ERICH3: variants seen among roughly 807,000 people sequenced by gnomAD.
The protein encoded by ERICH3 is glutamate rich 3.
A neutral mutation model predicts 131.1 loss-of-function variants in ERICH3; 126 were observed. That is an observed-to-expected ratio of 0.96 (90% confidence interval 0.83 to 1.11). The LOEUF is 1.11. Among genes scored for constraint, ERICH3 ranks in the 50% most tolerant of loss-of-function variants. The pLI is 0.00. For missense variants in ERICH3, 2,050 were observed against 1,810.7 expected, an observed-to-expected ratio of 1.13 and a Z score of -2.40; for synonymous variants, 695 against 644.6, an observed-to-expected ratio of 1.08 and a Z score of -1.18.
intron 8 of ERICH3, among the ~76,000 whole-genome samples, chr1:74,620,499 G>T (rs1387489111): frequency 6.6e-6 from 1 of 152,126 alleles, no homozygotes; most frequent in Non-Finnish European, 1.5e-5. Flanking sequence ...AAATTAATCT[G>T]TTACCAGGTT....
At chr1:74,586,743 C>T (rs1647347843) in intron 12 of ERICH3, among the ~76,000 whole-genome samples, 1 of 151,914 alleles carries the variant, frequency 6.6e-6, no homozygotes, top group South Asian at 2.1e-4. Flanking sequence ...CACAGAATGG[C>T]ATAACACACA....
intron 12 of ERICH3, among the ~76,000 whole-genome samples, chr1:74,584,719 G>C (rs1011396232): frequency 6.6e-6 from 1 of 152,054 alleles, no homozygotes; most frequent in Non-Finnish European, 1.5e-5. Flanking sequence ...CACTTGGCAG[G>C]CATATCTCTC....
rs1427800006 is a variant in ERICH3 at position 74,573,006 on chromosome 1, C to T, written c.2704G>A (p.Ala902Thr). ...ASEGEQGLEK[A>T]VLANEAAALN... is the part of the protein sequence containing the mutation. ...GCTGCTGCTTCATTTGCAAGCACTG[C>T]CTTCTCTAAACCCTGTTCCCCTTCA... The change falls in exon 14 of 15, where the codon GCA becomes ACA. Residue 902 changes from alanine (A) to threonine (T), a missense_variant. Coordinates refer to ENST00000326665, the MANE Select transcript of ERICH3 (RefSeq NM_001002912.5). 6.2e-7 allele frequency: 1 copy of T among 1,614,158 alleles called. No homozygotes were observed. Among genetic ancestry groups the T allele is most frequent in the Admixed American group, 1.7e-5 (1 of 60,024 alleles).
At chr1:74,610,083 A>T (rs1247213058) in intron 9 of ERICH3, among the ~76,000 whole-genome samples, 1 of 151,986 alleles carries the variant, frequency 6.6e-6, no homozygotes, top group African/African-American at 2.4e-5. Context: ...TTTTCTGGGA[A>T]TTAAATAGAA....
At chr1:74,660,848 C>A (rs922341818) in intron 1 of ERICH3, among the ~76,000 whole-genome samples, 6 of 151,774 alleles carry the variant, frequency 4.0e-5, no homozygotes, top group Non-Finnish European at 5.9e-5. Context: ...TGATGCAAGT[C>A]ATAGGGTCAG....
intron 8 of ERICH3, among the ~76,000 whole-genome samples, chr1:74,617,180 A>T (rs1649006023): frequency 6.6e-6 from 1 of 151,868 alleles, no homozygotes; most frequent in Non-Finnish European, 1.5e-5. Flanking sequence ...CAAACAAAAA[A>T]AAAAAAAGGA....
chr1:74,644,699 T>C (rs1646466608), intron 3 of ERICH3, among the ~76,000 whole-genome samples: 1 of 152,060 alleles, frequency 6.6e-6, no homozygotes, highest in Non-Finnish European at 1.5e-5. Context: ...GCATTACCAC[T>C]ACTGCTATTA....
chr1:74,633,363 T>G (rs1646359114), intron 6 of ERICH3, among the ~76,000 whole-genome samples: 1 of 151,788 alleles, frequency 6.6e-6, no homozygotes, highest in Admixed American at 6.6e-5. Context: ...ATTTTCCATT[T>G]TTTCTGTAAA....
intron 13 of ERICH3, among the ~76,000 whole-genome samples, chr1:74,575,556 T>C (rs1266346761): frequency 6.6e-6 from 1 of 152,190 alleles, no homozygotes; most frequent in Admixed American, 6.5e-5. Context: ...AAAATTAAAT[T>C]GAAACAATAG....
At chr1:74,607,030 C>A in intron 9 of ERICH3, 128 bp from the exon 10 acceptor site, 1 of 666,032 alleles carries the variant, frequency 1.5e-6, no homozygotes, top group Non-Finnish European at 2.3e-6. Context: ...GATTACAGTA[C>A]ACACTAATAA....
At chr1:74,591,400 T>C (rs890101210) in intron 11 of ERICH3, among the ~76,000 whole-genome samples, 9 of 152,208 alleles carry the variant, frequency 5.9e-5, no homozygotes, top group African/African-American at 1.9e-4. Context: ...GGAGCTGGGC[T>C]TTCATACTTC....
At chr1:74,598,002 A>G (rs1275126010) in intron 11 of ERICH3, among the ~76,000 whole-genome samples, 3 of 151,820 alleles carry the variant, frequency 2.0e-5, no homozygotes, top group Non-Finnish European at 4.4e-5. Flanking sequence ...TGGTGTTTCG[A>G]TCCTCTCCAA....
intron 6 of ERICH3, among the ~76,000 whole-genome samples, chr1:74,633,682 G>A (rs1646362306): frequency 6.6e-6 from 1 of 151,012 alleles, no homozygotes; most frequent in African/African-American, 2.5e-5. Flanking sequence ...TATTACTTAG[G>A]TATCTTCCAA....
rs763390072 is a variant in ERICH3 at position 74,620,860 on chromosome 1, T to A, written c.874A>T (p.Ile292Phe). 1 of 1,612,726 alleles carries A rather than the reference T, an allele frequency of 6.2e-7. No individual in the cohort carries two copies. The highest frequency in any genetic ancestry group is 1.3e-5 in the African/African-American group (1 of 74,980). Reference sequence around the variant, plus strand: ...AGGTGCACATTTTTCCCCAAATAGATCATTGTAATAGCTGCATTACTATGT... The same window carrying A: ...AGGTGCACATTTTTCCCCAAATAGAACATTGTAATAGCTGCATTACTATGT... ...SLHSNAAITM[I>F]YLGKNVHLSS... is the part of the protein sequence containing the mutation. The change falls in exon 8 of 15, where the codon ATC becomes TTC. Residue 292 changes from isoleucine (I) to phenylalanine (F), a missense_variant. Transcript: ENST00000326665.
intron 4 of ERICH3, 25 bp downstream of exon 4, chr1:74,643,001 TA>T (rs1646449445): frequency 6.7e-7 from 1 of 1,502,166 alleles, no homozygotes; most frequent in Non-Finnish European, 9.2e-7. Flanking sequence ...TACTATGAAG[TA>T]AAAGAGAGTT....
chr1:74,671,613 C>T (rs568777660), intron 1 of ERICH3, among the ~76,000 whole-genome samples: 3 of 152,230 alleles, frequency 2.0e-5, no homozygotes, highest in South Asian at 2.1e-4. Context: ...CCAATAAGTC[C>T]TCAAATTCCT....
chr1:74,632,530 A>G (rs1457552684), intron 6 of ERICH3, among the ~76,000 whole-genome samples: 1 of 151,924 alleles, frequency 6.6e-6, no homozygotes, highest in African/African-American at 2.4e-5. Context: ...AAGTTCACTA[A>G]TATAAATGTG....
chr1:74,638,049 G>A (rs1646407403), intron 5 of ERICH3, among the ~76,000 whole-genome samples: 1 of 152,004 alleles, frequency 6.6e-6, no homozygotes, highest in Non-Finnish European at 1.5e-5. Context: ...GAGAAGGATG[G>A]TATATAAGTG....
In ERICH3 at chr1:74,590,047, C is replaced by T. The variant is rs1647513822; in HGVS notation, c.1760G>A (p.Ser587Asn). The T allele has an allele frequency of 1.2e-6, 2 of 1,611,296 alleles. No homozygotes were observed. Among genetic ancestry groups the T allele is most frequent in the Non-Finnish European group, 1.7e-6 (2 of 1,178,322 alleles). The change falls in exon 12 of 15, where the codon AGT (serine) becomes AAT (asparagine). Residue 587 changes from serine to asparagine, a missense_variant. Physicochemically the swap from Ser to Asn is conservative, Grantham distance 46. Transcript: ENST00000326665. ...MKTASSTSSR[S>N]HPYSSDSEDE... is the part of the protein sequence containing the mutation. ...CTCACTGTCACTAGAATAAGGGTGA[C>T]TTCTGGATGAGGTTGATGAAGCAGT...
Sources: gnomAD v4.1 joint callset for allele counts (sites outside exome capture counted in the v4.1 genomes callset) on GRCh38, gnomAD v4.1.1 for gene constraint, MANE v1.5 for transcripts, NCBI Gene and HGNC (gene_info 2026-07-23, HGNC 2026-07-21) for gene names.